The following NPAS3 variants were observed in gnomAD, a reference collection of about 807,000 sequenced individuals.
NPAS3 encodes the protein neuronal PAS domain-containing protein 3.
In NPAS3, 14 loss-of-function variants were observed where a neutral mutation model predicts 73.1. The ratio of observed to expected loss-of-function variants is 0.19; its 90% CI spans 0.13 to 0.30. The LOEUF (loss-of-function observed/expected upper bound fraction) is 0.30, where lower values mean the gene tolerates loss of function less well. Ranked by LOEUF, NPAS3 falls within the 10% of genes least tolerant of loss-of-function variation. The probability of loss-of-function intolerance (pLI) is 1.00; values close to 1 mark genes in which losing one functional copy is unlikely to be tolerated. For synonymous variants in NPAS3, 620 were observed against 541.5 expected, an observed-to-expected ratio of 1.14 and a Z score of -2.01; for missense variants, 1,096 against 1,250.0, an observed-to-expected ratio of 0.88 and a Z score of 1.86.
chr14:33,426,855 G>T (rs186908611), intron 4 of NPAS3, among the ~76,000 whole-genome samples: 61 of 152,088 alleles, frequency 4.0e-4, no homozygotes, highest in African/African-American at 1.4e-3. Flanking sequence ...TTGTTTGAAG[G>T]TGTCACATTT....
At chr14:33,335,004 T>G (rs72678894) in intron 3 of NPAS3, among the ~76,000 whole-genome samples, 1 of 151,560 alleles carries the variant, frequency 6.6e-6, no homozygotes, top group Non-Finnish European at 1.5e-5. Flanking sequence ...TTATTTTGTT[T>G]CTTGCTATGG....
At chr14:33,733,719 C>T (rs185975204) in intron 6 of NPAS3, among the ~76,000 whole-genome samples, 33 of 152,046 alleles carry the variant, frequency 2.2e-4, no homozygotes, top group African/African-American at 7.5e-4. Context: ...GCTTTTCCCT[C>T]GAGTGATAAA....
At chr14:33,265,488 A>G (rs2139983152) in intron 3 of NPAS3, among the ~76,000 whole-genome samples, 1 of 113,510 alleles carries the variant, frequency 8.8e-6, no homozygotes, top group South Asian at 3.9e-4. Flanking sequence ...ATTTGGTAAG[A>G]GCAATGCATT....
In NPAS3 at chr14:33,362,139, T is replaced by C. The variant is rs570019357; in HGVS notation, c.386-5047T>C. 3.3e-5 allele frequency among the ~76,000 whole-genome samples: 5 copies of C among 152,310 alleles called. No homozygotes were observed. The East Asian group carries it at 9.7e-4, about 29-fold the overall frequency. On this transcript the variant is annotated intron_variant, in intron 3 of 11. Transcript: ENST00000356141. ...GAATTTCAGTTGTCATGTTGCTATA[T>C]GGGTTAAGCTGGTACCCAGTGCTAT...
Position 33,705,826 on chromosome 14 carries a change from A to G in NPAS3, c.734-29388A>G, listed in dbSNP as rs1181622442. On this transcript the variant is annotated intron_variant, in intron 6 of 11. Coordinates refer to ENST00000356141, the Ensembl canonical transcript of NPAS3. ...TTTACAGGGCTTGTCTTCTATTTTC[A>G]TAAGGAAACTAAGCCAAATCATCTG... is the stretch of plus-strand genomic sequence containing the variant. Among the ~76,000 whole-genome samples, 4 of 152,268 alleles carry G rather than the reference A, an allele frequency of 2.6e-5. No homozygotes were observed. In the East Asian group the frequency reaches 5.8e-4, roughly 22 times the overall value.
chr14:33,672,184 T>C (rs1481170852), intron 5 of NPAS3, among the ~76,000 whole-genome samples: 1 of 152,204 alleles, frequency 6.6e-6, no homozygotes, highest in East Asian at 1.9e-4. Context: ...TTAAAGAGTT[T>C]CTTAAAACCT....
intron 4 of NPAS3, among the ~76,000 whole-genome samples, chr14:33,556,979 A>G (rs1020189353): frequency 8.5e-5 from 13 of 152,240 alleles, no homozygotes; most frequent in Non-Finnish European, 1.9e-4. Context: ...AGCCATGGCT[A>G]TCAGGTCGAA....
intron 6 of NPAS3, among the ~76,000 whole-genome samples, chr14:33,678,699 A>ATTCATACTGAGTTTG (rs1446693068): frequency 2.0e-5 from 3 of 151,410 alleles, no homozygotes; most frequent in Non-Finnish European, 4.4e-5. Flanking sequence ...CATCCTGTCA[A>ATTCATACTGAGTTTG]TTCATACTGA....
At chr14:33,169,892 G>A (rs377217111) in intron 2 of NPAS3, among the ~76,000 whole-genome samples, 2 of 152,198 alleles carry the variant, frequency 1.3e-5, no homozygotes, top group East Asian at 3.8e-4. Flanking sequence ...CCTGATTCTC[G>A]AAAGGTCACA....
intron 3 of NPAS3, among the ~76,000 whole-genome samples, chr14:33,344,290 A>G (rs1489814138): frequency 6.6e-6 from 1 of 152,200 alleles, no homozygotes; most frequent in Non-Finnish European, 1.5e-5. Context: ...ATGTGTAAAG[A>G]TTATCTGTAT....
chr14:33,644,930 A>C (rs1256882276), intron 5 of NPAS3, among the ~76,000 whole-genome samples: 6 of 151,936 alleles, frequency 3.9e-5, no homozygotes, highest in Non-Finnish European at 8.8e-5. Flanking sequence ...AAAATACAAA[A>C]TTTATCCAGG....
intron 2 of NPAS3, among the ~76,000 whole-genome samples, chr14:33,193,249 A>G (rs1162093539): frequency 6.7e-6 from 1 of 148,224 alleles, no homozygotes; most frequent in Non-Finnish European, 1.5e-5. Flanking sequence ...TTAACTATAG[A>G]TTGGTTTGAG....
chr14:33,230,891 C>A (rs1197652510), intron 3 of NPAS3, among the ~76,000 whole-genome samples: 2 of 152,146 alleles, frequency 1.3e-5, no homozygotes, highest in East Asian at 3.8e-4. Flanking sequence ...TTTTCTCTGT[C>A]CCCTGAAACT....
At chr14:33,664,938 AGACAGTGTGG>A (rs1313105737) in intron 5 of NPAS3, among the ~76,000 whole-genome samples, 70 of 152,334 alleles carry the variant, frequency 4.6e-4, no homozygotes, top group African/African-American at 1.6e-3. Context: ...CCATTGTGGA[AGACAGTGTGG>A]CGATTCCTCA....
intron 2 of NPAS3, among the ~76,000 whole-genome samples, chr14:33,151,954 C>T (rs563989431): frequency 3.0e-4 from 45 of 152,230 alleles, no homozygotes; most frequent in Middle Eastern, 3.4e-3. Context: ...AGATATATTA[C>T]GTATACATCT....
intron 3 of NPAS3, among the ~76,000 whole-genome samples, chr14:33,330,774 TA>T (rs11366495): frequency 0.035 from 5,350 of 152,296 alleles, 345 homozygotes; most frequent in African/African-American, 0.12. Flanking sequence ...TGGAAAGCAT[TA>T]ATTCAAAGAG....
chr14:33,776,830 T>A (rs17412019), intron 8 of NPAS3, among the ~76,000 whole-genome samples: 2 of 152,092 alleles, frequency 1.3e-5, no homozygotes, highest in Non-Finnish European at 2.9e-5. Flanking sequence ...GTCATCCAAC[T>A]GGTCTGGTGC....
chr14:33,101,978 C>T (rs1212504397), intron 2 of NPAS3, among the ~76,000 whole-genome samples: 1 of 152,178 alleles, frequency 6.6e-6, no homozygotes, highest in Non-Finnish European at 1.5e-5. Flanking sequence ...CATTTTCTCT[C>T]ATACTCATGT....
chr14:32,982,089 G>T (rs2139405661), intron 1 of NPAS3, among the ~76,000 whole-genome samples: 1 of 152,306 alleles, frequency 6.6e-6, no homozygotes, highest in Non-Finnish European at 1.5e-5. Context: ...ATAAAGAAGA[G>T]AAATTTAATT....
Sources: gnomAD v4.1 joint callset for allele counts (sites outside exome capture counted in the v4.1 genomes callset) on GRCh38, gnomAD v4.1.1 for gene constraint, MANE v1.5 for transcripts, NCBI Gene and HGNC (gene_info 2026-07-23, HGNC 2026-07-21) for gene names.